The following EPHA4 variants were observed in gnomAD, a reference collection of about 807,000 sequenced individuals.
EPHA4 encodes the protein ephrin type-A receptor 4.
A neutral mutation model predicts 108.3 loss-of-function variants in EPHA4; 19 were observed. That is an observed-to-expected ratio of 0.18 (90% CI 0.12 to 0.26). The LOEUF is 0.26. EPHA4 is among the 10% of genes least tolerant of loss of function. EPHA4 has a pLI of 1.00. For missense variants in EPHA4, 917 were observed against 1,254.0 expected, an observed-to-expected ratio of 0.73 and a Z score of 4.06; for synonymous variants, 449 against 455.5, an observed-to-expected ratio of 0.99 and a Z score of 0.18.
At chr2:221,453,296 C>G (rs2106114892) in intron 8 of EPHA4, among the ~76,000 whole-genome samples, 1 of 152,220 alleles carries the variant, frequency 6.6e-6, no homozygotes, top group East Asian at 1.9e-4. Flanking sequence ...TTTCTAACAA[C>G]CAAGATTATT....
intron 3 of EPHA4, among the ~76,000 whole-genome samples, chr2:221,527,798 G>A (rs902006091): frequency 5.9e-5 from 9 of 152,124 alleles, no homozygotes; most frequent in Non-Finnish European, 1.2e-4. Flanking sequence ...AGGAAATTGA[G>A]GAACAAAGAG....
chr2:221,508,404 C>A (rs1031542601), intron 3 of EPHA4, among the ~76,000 whole-genome samples: 1 of 151,960 alleles, frequency 6.6e-6, no homozygotes, highest in Non-Finnish European at 1.5e-5. Context: ...CATGGTGAAC[C>A]CTGTCTCTGC....
chr2:221,501,211 C>T, intron 3 of EPHA4, 39 bp from the exon 4 acceptor site: 13 of 1,528,508 alleles, frequency 8.5e-6, no homozygotes, highest in Non-Finnish European at 1.1e-5. Flanking sequence ...ATAGAAACCA[C>T]TGCAAATAGA....
At chr2:221,502,607 C>T (rs1386599491) in intron 3 of EPHA4, 3 of 470,932 alleles carry the variant, frequency 6.4e-6, no homozygotes, top group Admixed American at 4.7e-5. Flanking sequence ...TGTCACTACT[C>T]ATCCATCAAG....
At chr2:221,461,475 T>G (rs75236953) in intron 5 of EPHA4, among the ~76,000 whole-genome samples, 4 of 152,062 alleles carry the variant, frequency 2.6e-5, no homozygotes, top group Non-Finnish European at 5.9e-5. Context: ...TTTCTAATCA[T>G]AGTAGAAAAT....
chr2:221,513,836 GC>G (rs1692906773), intron 3 of EPHA4, among the ~76,000 whole-genome samples: 1 of 152,092 alleles, frequency 6.6e-6, no homozygotes, highest in Admixed American at 6.5e-5. Flanking sequence ...TTTCAACATT[GC>G]TTATGTCTGA....
intron 4 of EPHA4, among the ~76,000 whole-genome samples, chr2:221,490,332 C>G (rs932022012): frequency 6.6e-6 from 1 of 151,110 alleles, no homozygotes; most frequent in African/African-American, 2.4e-5. Context: ...ATAGAAAAAC[C>G]AAAGTCTCTG....
rs1692416417 is a variant in EPHA4 at position 221,499,732 on chromosome 2, ATATATATATATATATATATATATATTTT to A, written c.979+1257_979+1284del. On this transcript the variant is annotated intron_variant, in intron 4 of 17. Transcript: ENST00000281821. Reference sequence around the variant, plus strand: ...CTAAAACTAATATATATATATATATATATATATATATATATATATATATATTTTTTTTTTTTTTTTTTGAGACAGAGTT... The same window carrying A: ...CTAAAACTAATATATATATATATATATTTTTTTTTTTTTTGAGACAGAGTT... Among the ~76,000 whole-genome samples, 3 of 44,110 alleles carry A rather than the reference ATATATATATATATATATATATATATTTT, an allele frequency of 6.8e-5. No homozygotes were observed. The South Asian group carries it at 2.4e-3, about 35-fold the overall frequency. The allele number at this position is 44,110 out of a possible 152,430, so 28.9% of individuals were successfully genotyped here. A position where few individuals can be genotyped will look rare whatever the true frequency, so the allele number is the denominator to read the frequency against.
chr2:221,514,090 G>A (rs1249498867), intron 3 of EPHA4, among the ~76,000 whole-genome samples: 1 of 68,220 alleles, frequency 1.5e-5, no homozygotes, highest in Non-Finnish European at 2.7e-5. Context: ...CTGTAAGCCG[G>A]GGGGAGGGGG....
intron 4 of EPHA4, among the ~76,000 whole-genome samples, chr2:221,484,558 C>A (rs1485384260): frequency 6.6e-6 from 1 of 152,108 alleles, no homozygotes. Flanking sequence ...ATACAAATTT[C>A]TTTCTTGTTT....
chr2:221,430,528 G>A (rs574110471), intron 14 of EPHA4, among the ~76,000 whole-genome samples: 6 of 151,084 alleles, frequency 4.0e-5, no homozygotes, highest in East Asian at 2.0e-4. Context: ...AACACTCTTC[G>A]CAAAAGAGAC....
intron 3 of EPHA4, among the ~76,000 whole-genome samples, chr2:221,548,695 G>A (rs1020430973): frequency 6.6e-6 from 1 of 152,122 alleles, no homozygotes; most frequent in African/African-American, 2.4e-5. Context: ...AAAGAGAGAT[G>A]GCTAGCTGGG....
intron 5 of EPHA4, among the ~76,000 whole-genome samples, chr2:221,478,046 A>G (rs1342380623): frequency 1.3e-5 from 2 of 152,010 alleles, no homozygotes; most frequent in Non-Finnish European, 2.9e-5. Flanking sequence ...CCTGGGTGCA[A>G]TTTGGGGTGA....
intron 5 of EPHA4, among the ~76,000 whole-genome samples, chr2:221,470,355 G>A (rs918354252): frequency 2.6e-5 from 4 of 151,812 alleles, no homozygotes; most frequent in African/African-American, 9.7e-5. Flanking sequence ...GAGAGAGAGA[G>A]AGAGAGAAAC....
intron 3 of EPHA4, among the ~76,000 whole-genome samples, chr2:221,562,207 C>CTT (rs35999917): frequency 0.045 from 6,448 of 144,274 alleles, 213 homozygotes; most frequent in African/African-American, 0.095. Context: ...TACACATTTC[C>CTT]TTTTTTTTTT....
rs147848400 is a variant in EPHA4, at chr2:221,440,876, G to T, written c.2074+1953C>A. 2.6e-4 allele frequency among the ~76,000 whole-genome samples: 40 copies of T among 152,302 alleles called. No homozygotes were observed. In the South Asian group the frequency reaches 4.6e-3, roughly 17 times the overall value. ...TTAGAAGCAGCAGAGGTGGTATGCG[G>T]TCGTTTGTCCCCAGGCCAATGGTTC... On this transcript the variant is annotated intron_variant, in intron 11 of 17. Coordinates refer to ENST00000281821, the MANE Select transcript of EPHA4 (RefSeq NM_004438.5).
At chr2:221,502,743 T>C (rs953663098) in intron 3 of EPHA4, among the ~76,000 whole-genome samples, 11 of 152,214 alleles carry the variant, frequency 7.2e-5, no homozygotes, top group African/African-American at 2.7e-4. Flanking sequence ...AGGCACACAG[T>C]TACTTCACTC....
chr2:221,470,714 T>G lies in EPHA4; in HGVS notation c.1318+11638A>C, dbSNP rs535245786. Reference sequence around the variant, plus strand: ...ATGTAGACAAGTGTAAGGAAGCACCTGGTGAGTGGAAAGAAGTGGGATAGA... The same window carrying G: ...ATGTAGACAAGTGTAAGGAAGCACCGGGTGAGTGGAAAGAAGTGGGATAGA... On this transcript the variant is annotated intron_variant, in intron 5 of 17. Transcript: ENST00000281821. Among the ~76,000 whole-genome samples, 12 of 152,200 alleles carry G rather than the reference T, an allele frequency of 7.9e-5. 1 individual carries two copies. The South Asian group carries it at 2.5e-3, about 32-fold the overall frequency.
chr2:221,546,707 G>T (rs1694008824), intron 3 of EPHA4, among the ~76,000 whole-genome samples: 1 of 152,074 alleles, frequency 6.6e-6, no homozygotes, highest in African/African-American at 2.4e-5. Context: ...GTTCTATCTT[G>T]CCATAAGGCT....
Sources: allele counts gnomAD v4.1 joint callset (sites outside exome capture counted in the v4.1 genomes callset), GRCh38; gene constraint gnomAD v4.1.1; transcripts MANE v1.5; gene names NCBI Gene and HGNC (gene_info 2026-07-23, HGNC 2026-07-21).